Variants in ARB2A observed in about 807,000 individuals in gnomAD.
ARB2A encodes the protein cotranscriptional regulator ARB2A.
chr5:93,927,917 T>C, the ARB2A span, among the ~76,000 whole-genome samples: 11 of 152,008 alleles, frequency 7.2e-5, no homozygotes, highest in Non-Finnish European at 1.2e-4. Context: ...TAAGGGCTTA[T>C]CTATAAAAAT....
the ARB2A span, among the ~76,000 whole-genome samples, chr5:93,912,713 T>A: frequency 6.6e-6 from 1 of 151,840 alleles, no homozygotes; most frequent in African/African-American, 2.4e-5. Context: ...TGCTAAAAAA[T>A]TTAAAATTTC....
the ARB2A span, among the ~76,000 whole-genome samples, chr5:94,011,936 CAAAAA>C: frequency 0.028 from 850 of 30,172 alleles, 14 homozygotes; most frequent in African/African-American, 0.1. Context: ...AAAGGGTAGA[CAAAAA>C]AAAAAAAAAA....
At chr5:94,033,375 ATGAGT>A in the ARB2A span, among the ~76,000 whole-genome samples, 2 of 152,136 alleles carry the variant, frequency 1.3e-5, no homozygotes, top group African/African-American at 2.4e-5. Context: ...TGGTGCTGGA[ATGAGT>A]TAAGATTTAG....
At chr5:93,749,039 T>G in the ARB2A span, among the ~76,000 whole-genome samples, 1 of 137,386 alleles carries the variant, frequency 7.3e-6, no homozygotes, top group Non-Finnish European at 1.5e-5. Flanking sequence ...AACATGAGAG[T>G]TTTTTTTTTT....
At chr5:94,086,657 A>G in the ARB2A span, among the ~76,000 whole-genome samples, 1 of 152,176 alleles carries the variant, frequency 6.6e-6, no homozygotes, top group Non-Finnish European at 1.5e-5. Context: ...GATTCAAGCG[A>G]TTCTCCTGCC....
the ARB2A span, chr5:94,074,907 T>C: frequency 1.8e-5 from 10 of 563,346 alleles, no homozygotes; most frequent in Admixed American, 2.7e-4. Flanking sequence ...ATAGTACTTA[T>C]TATTGTCTGC....
the ARB2A span, among the ~76,000 whole-genome samples, chr5:94,067,868 T>C: frequency 6.6e-6 from 1 of 152,060 alleles, no homozygotes; most frequent in Non-Finnish European, 1.5e-5. Flanking sequence ...GCCAAAACAA[T>C]GTGAGCAAAA....
the ARB2A span, among the ~76,000 whole-genome samples, chr5:93,796,947 T>C: frequency 6.6e-6 from 1 of 152,168 alleles, no homozygotes; most frequent in Non-Finnish European, 1.5e-5. Flanking sequence ...TTAAAGTAGC[T>C]ACTTACCTCT....
chr5:93,997,183 T>A, the ARB2A span, among the ~76,000 whole-genome samples: 1 of 152,040 alleles, frequency 6.6e-6, no homozygotes, highest in African/African-American at 2.4e-5. Flanking sequence ...TTCATTAATA[T>A]TTCCATCAAA....
chr5:93,676,826 T>A, the ARB2A span, among the ~76,000 whole-genome samples: 1 of 152,198 alleles, frequency 6.6e-6, no homozygotes, highest in Non-Finnish European at 1.5e-5. Context: ...CACTGCTGCA[T>A]CACCAGTGCC....
At chr5:94,014,595 G>C in the ARB2A span, among the ~76,000 whole-genome samples, 2 of 151,980 alleles carry the variant, frequency 1.3e-5, no homozygotes, top group Non-Finnish European at 2.9e-5. Flanking sequence ...TGAGCTTTCT[G>C]ACCAAGAATT....
chr5:94,078,149 C>A, the ARB2A span, among the ~76,000 whole-genome samples: 2 of 152,106 alleles, frequency 1.3e-5, no homozygotes, highest in African/African-American at 4.8e-5. Flanking sequence ...ACTAGATATA[C>A]GTGATTTTGC....
the ARB2A span, chr5:93,805,272 A>C: frequency 1.0e-6 from 1 of 985,074 alleles, no homozygotes; most frequent in Non-Finnish European, 1.2e-6. Context: ...TTGAAAATCC[A>C]TTAGCTTGAA....
the ARB2A span, among the ~76,000 whole-genome samples, chr5:93,758,381 C>T: frequency 3.3e-5 from 5 of 152,148 alleles, no homozygotes; most frequent in African/African-American, 1.2e-4. Flanking sequence ...TTAAACTATA[C>T]CTTGGAACAA....
the ARB2A span, among the ~76,000 whole-genome samples, chr5:94,004,858 T>C: frequency 1.3e-5 from 2 of 151,526 alleles, no homozygotes; most frequent in African/African-American, 4.8e-5. Flanking sequence ...TCTTACACAT[T>C]GAACTCAGCC....
chr5:93,688,939 T>C, the ARB2A span, among the ~76,000 whole-genome samples: 8 of 152,166 alleles, frequency 5.3e-5, no homozygotes, highest in Non-Finnish European at 8.8e-5. Context: ...GTCCTGTAAC[T>C]CTCTTAATCC....
chr5:94,024,082 C>G, the ARB2A span, among the ~76,000 whole-genome samples: 1 of 152,150 alleles, frequency 6.6e-6, no homozygotes, highest in Non-Finnish European at 1.5e-5. Flanking sequence ...TAAATCACAT[C>G]TAGGTATGAT....
At chr5:93,920,161 C>T in the ARB2A span, among the ~76,000 whole-genome samples, 1 of 152,084 alleles carries the variant, frequency 6.6e-6, no homozygotes, top group African/African-American at 2.4e-5. Context: ...CTTTAGGGCT[C>T]GTGCCTGGAT....
At chr5:93,909,122 T>C in the ARB2A span, among the ~76,000 whole-genome samples, 1 of 151,088 alleles carries the variant, frequency 6.6e-6, no homozygotes, top group South Asian at 2.1e-4. Context: ...ATTTTAATTA[T>C]ATAGCAAAAT....
Sources: gnomAD v4.1 joint callset for allele counts (sites outside exome capture counted in the v4.1 genomes callset) on GRCh38, gnomAD v4.1.1 for gene constraint, MANE v1.5 for transcripts, NCBI Gene and HGNC (gene_info 2026-07-23, HGNC 2026-07-21) for gene names.